The following PICALM variants were observed in gnomAD, a reference collection of about 807,000 sequenced individuals.
PICALM encodes the protein phosphatidylinositol binding clathrin assembly protein.
In PICALM, 40 loss-of-function variants were observed where a neutral mutation model predicts 80.5. That is an observed-to-expected ratio of 0.50 (90% CI 0.39 to 0.65). The LOEUF is 0.65. Ranked by LOEUF, PICALM falls within the 30% of genes least tolerant of loss-of-function variation. PICALM has a pLI of 0.00. For synonymous variants in PICALM, 288 were observed against 260.3 expected, an observed-to-expected ratio of 1.11 and a Z score of -1.02; for missense variants, 676 against 778.9, an observed-to-expected ratio of 0.87 and a Z score of 1.57.
chr11:85,966,823 G>A (rs148050934), intron 19 of PICALM, among the ~76,000 whole-genome samples: 1 of 152,290 alleles, frequency 6.6e-6, no homozygotes, highest in Non-Finnish European at 1.5e-5. Flanking sequence ...AGACTAAATG[G>A]CTACAGATGC....
rs185813572 is a variant in PICALM, at chr11:85,967,152, C to T, written c.1944+7556G>A. On this transcript the variant is annotated intron_variant, in intron 19 of 19. Coordinates refer to ENST00000393346, the MANE Select transcript of PICALM (RefSeq NM_007166.4). ...TTAATTTCAATTCAGCTAGAATTTA[C>T]GGCTATATTGAATTTACAAGAAAAA... Among the ~76,000 whole-genome samples the T allele has an allele frequency of 3.7e-3, 570 of 152,142 alleles. 3 individuals carry two copies. The highest frequency in any genetic ancestry group is 6.0e-3 in the South Asian group (29 of 4,824).
At chr11:86,031,296 T>C (rs1289987815) in intron 2 of PICALM, among the ~76,000 whole-genome samples, 173 bp downstream of exon 2, 1 of 152,224 alleles carries the variant, frequency 6.6e-6, no homozygotes, top group African/African-American at 2.4e-5. Context: ...AACCCACTTT[T>C]TGCTTTCTGG....
chr11:85,966,750 T>C (rs1268021696), intron 19 of PICALM, among the ~76,000 whole-genome samples: 4 of 152,154 alleles, frequency 2.6e-5, no homozygotes, highest in Non-Finnish European at 4.4e-5. Context: ...ATGACCAGTG[T>C]CCTTATAAGG....
rs182584018 is a variant in PICALM, at chr11:85,989,132, T to C, written c.1408+1118A>G. Reference sequence around the variant, plus strand: ...CAAGGTCAGAGGCTATCTAGATACATAGCTCTTCTGATTTTTCTGGATTGT... The same window carrying C: ...CAAGGTCAGAGGCTATCTAGATACACAGCTCTTCTGATTTTTCTGGATTGT... On this transcript the variant is annotated intron_variant, in intron 13 of 19. Coordinates refer to ENST00000393346, the MANE Select transcript of PICALM (RefSeq NM_007166.4). Among the ~76,000 whole-genome samples, 18 of 152,362 alleles carry C rather than the reference T, an allele frequency of 1.2e-4. No individual in the cohort carries two copies. In the East Asian group the frequency reaches 1.3e-3, roughly 11 times the overall value.
rs182893025 is a variant in PICALM at position 86,032,503 on chromosome 11, G to A, written c.131-892C>T. On this transcript the variant is annotated intron_variant, in intron 1 of 19. Coordinates refer to ENST00000393346, the MANE Select transcript of PICALM (RefSeq NM_007166.4). ...TAGCTGGGCTTGGTGGCGGGCATGG[G>A]TAATCCCAGCTACTCAGGAGGCTGA... Among the ~76,000 whole-genome samples, 254 of 152,218 alleles carry A rather than the reference G, an allele frequency of 1.7e-3. 1 individual carries two copies. The highest frequency in any genetic ancestry group is 5.8e-3 in the African/African-American group (241 of 41,542).
Position 86,014,978 on chromosome 11 carries a change from C to G in PICALM, c.453-15G>C, listed in dbSNP as rs189811262. 7 of 1,480,562 alleles carry G rather than the reference C, an allele frequency of 4.7e-6. No homozygotes were observed. The highest frequency in any genetic ancestry group is 6.5e-6 in the Non-Finnish European group (7 of 1,077,604). The allele number at this position is 1,480,562 out of a possible 1,614,324, so 91.7% of individuals were successfully genotyped here. The stretch of plus-strand genomic sequence containing the variant: ...CTCCATCAGCCCTGTTATGAAAAAA[C>G]CAGAGAAATAAACAAATGAATCTGC... On this transcript the variant is annotated splice_polypyrimidine_tract_variant and intron_variant, in intron 4 of 19. Coordinates refer to ENST00000393346, the MANE Select transcript of PICALM (RefSeq NM_007166.4).
intron 19 of PICALM, among the ~76,000 whole-genome samples, chr11:85,970,850 G>C (rs2094084649): frequency 6.6e-6 from 1 of 152,174 alleles, no homozygotes; most frequent in African/African-American, 2.4e-5. Flanking sequence ...GTATGGAGAT[G>C]GGTATTACAA....
chr11:86,067,547 T>G (rs1054220409), intron 1 of PICALM, among the ~76,000 whole-genome samples: 3 of 152,220 alleles, frequency 2.0e-5, no homozygotes, highest in African/African-American at 7.2e-5. Context: ...CGTTAGCGAA[T>G]GGACGAATAC....
At chr11:85,982,825 A>G (rs1476624275) in intron 14 of PICALM, among the ~76,000 whole-genome samples, 1 of 152,200 alleles carries the variant, frequency 6.6e-6, no homozygotes, top group Non-Finnish European at 1.5e-5. Context: ...AATGAGAACA[A>G]TTCTTAAAAA....
chr11:86,031,727 T>C, intron 1 of PICALM, 116 bp from the exon 2 acceptor site: 1 of 698,466 alleles, frequency 1.4e-6, no homozygotes, highest in South Asian at 2.1e-5. Context: ...AGTAATAGTT[T>C]GGAGATGTTG....
intron 11 of PICALM, among the ~76,000 whole-genome samples, chr11:85,999,733 G>A (rs1263289802): frequency 6.6e-6 from 1 of 152,188 alleles, no homozygotes; most frequent in Non-Finnish European, 1.5e-5. Context: ...GAGCTTTTAA[G>A]GGTGAGTTAA....
intron 1 of PICALM, among the ~76,000 whole-genome samples, chr11:86,066,572 CCCTA>C (rs1316260758): frequency 2.0e-5 from 3 of 152,054 alleles, no homozygotes; most frequent in Non-Finnish European, 4.4e-5. Context: ...ACTCTTCTAA[CCCTA>C]CCTATTTTCT....
At chr11:85,973,386 T>G (rs144669234) in intron 19 of PICALM, among the ~76,000 whole-genome samples, 2 of 152,082 alleles carry the variant, frequency 1.3e-5, no homozygotes, top group African/African-American at 4.8e-5. Context: ...GGTCTGAAAA[T>G]AGGTAAGTAG....
intron 12 of PICALM, among the ~76,000 whole-genome samples, chr11:85,993,589 C>G (rs574624343): frequency 7.5e-5 from 8 of 107,334 alleles, no homozygotes; most frequent in Non-Finnish European, 1.4e-4. Context: ...CAGGTGCACA[C>G]CACCACACCC....
In PICALM at chr11:85,976,675, G is replaced by A. The variant is rs983246380; in HGVS notation, c.1787C>T (p.Pro596Leu). Residue 596 changes from proline to leucine, a missense_variant, in exon 18 of 20, where the codon CCT (proline) becomes CTT (leucine). Pro to Leu is a moderately conservative substitution (Grantham distance 98). Around this residue, in one of 2 missense-constraint regions of PICALM, gnomAD observed 391 missense variants for 383.6 expected, o/e 1.02. Coordinates refer to ENST00000393346, the MANE Select transcript of PICALM (RefSeq NM_007166.4). ...TGTAGTAGCAGGATAGGCCATTACA[G>A]GGGGTGCCTAACATAGTGAAAGGAA... ...TAWNAATMAP[P>L]VMAYPATTPT... is the part of the protein sequence containing the mutation. The A allele has an allele frequency of 6.3e-7, 1 of 1,590,868 alleles. No individual in the cohort carries two copies. Among genetic ancestry groups the A allele is most frequent in the Admixed American group, 1.7e-5 (1 of 59,954 alleles).
At chr11:86,063,009 TCTTA>T (rs141121514) in intron 1 of PICALM, among the ~76,000 whole-genome samples, 9,867 of 152,224 alleles carry the variant, frequency 0.065, 554 homozygotes, top group Non-Finnish European at 0.086. Flanking sequence ...AGTTTATTTT[TCTTA>T]CTTCTTTATT....
At chr11:86,027,149 A>G (rs1003559992) in intron 2 of PICALM, among the ~76,000 whole-genome samples, 2 of 152,170 alleles carry the variant, frequency 1.3e-5, no homozygotes, top group African/African-American at 2.4e-5. Flanking sequence ...TTTATTATGG[A>G]TATACTTTGT....
intron 13 of PICALM, among the ~76,000 whole-genome samples, chr11:85,987,434 TA>T (rs956876500): frequency 3.2e-4 from 49 of 152,320 alleles, no homozygotes; most frequent in African/African-American, 1.1e-3. Flanking sequence ...TAACTATTAT[TA>T]AAAACAACCC....
At chr11:86,045,933 A>C (rs377052686) in intron 1 of PICALM, among the ~76,000 whole-genome samples, 1 of 152,326 alleles carries the variant, frequency 6.6e-6, no homozygotes. Context: ...TTTTCAAGTT[A>C]ATCTCTTCCT....
Sources: gnomAD v4.1 joint callset for allele counts (sites outside exome capture counted in the v4.1 genomes callset) on GRCh38, gnomAD v4.1.1 for gene constraint, gnomAD v4.1.1 regional missense constraint, MANE v1.5 for transcripts, NCBI Gene and HGNC (gene_info 2026-07-23, HGNC 2026-07-21) for gene names.